Variants in ELOB observed in about 807,000 individuals in gnomAD.
ELOB encodes elongin-B.
Under a neutral mutation model 12.9 loss-of-function variants are expected in ELOB, and 3 were observed. The ratio of observed to expected loss-of-function variants is 0.23; its 90% confidence interval spans 0.11 to 0.60. ELOB has a LOEUF of 0.60. Ranked by LOEUF, ELOB falls within the 20% of genes least tolerant of loss-of-function variation. The pLI is 0.89. For synonymous variants in ELOB, 84 were observed against 67.4 expected (o/e 1.25, Z -1.21); for missense variants, 126 against 159.2 (o/e 0.79, Z 1.12).
intron 2 of ELOB, 166 bp from the exon 3 acceptor site, chr16:2,775,722 C>T (rs909865160): frequency 1.2e-5 from 6 of 518,000 alleles, no homozygotes; most frequent in African/African-American, 9.8e-5. Context: ...GGGTTATATC[C>T]AAGAACTTCT....
At chr16:2,773,510 GGGGGA>G (rs2068781577) in intron 3 of ELOB, among the ~76,000 whole-genome samples, 3 of 152,192 alleles carry the variant, frequency 2.0e-5, no homozygotes, top group African/African-American at 7.2e-5. Context: ...TGGTAAGCTT[GGGGGA>G]GGGGAGAGGC....
intron 3 of ELOB, among the ~76,000 whole-genome samples, chr16:2,772,722 CTA>C (rs1260416631): frequency 3.3e-5 from 5 of 151,528 alleles, no homozygotes; most frequent in Admixed American, 6.6e-5. Context: ...AAAAATCAAA[CTA>C]GACTATCTAG....
chr16:2,773,069 G>C (rs2068776588), intron 3 of ELOB, among the ~76,000 whole-genome samples: 1 of 152,124 alleles, frequency 6.6e-6, no homozygotes, highest in Admixed American at 6.5e-5. Flanking sequence ...CTCCAGGAAG[G>C]CAAAGGCCTT....
rs745571275 is a variant in ELOB, at chr16:2,771,594, G to C, written c.*396C>G. Reference sequence around the variant, plus strand: ...CTGCTCTTGGCCATCGTCTGGGAGTGGACATGCAGGCTATGGGGGTGGGGG... The same window carrying C: ...CTGCTCTTGGCCATCGTCTGGGAGTCGACATGCAGGCTATGGGGGTGGGGG... On this transcript the variant is annotated 3_prime_UTR_variant, in exon 4 of 4. Coordinates refer to ENST00000409906, the MANE Select transcript of ELOB (RefSeq NM_007108.4). The C allele has an allele frequency of 6.2e-7, 1 of 1,614,146 alleles. No individual in the cohort carries two copies. The highest frequency in any genetic ancestry group is 8.5e-7 in the Non-Finnish European group (1 of 1,180,022).
chr16:2,777,252 C>T lies in ELOB; in HGVS notation c.-13G>A, dbSNP rs1567258326. 1.9e-6 allele frequency: 2 copies of T among 1,026,618 alleles called. No individual in the cohort carries two copies. Among genetic ancestry groups the T allele is most frequent in the Non-Finnish European group, 2.3e-6 (2 of 856,458 alleles). The allele number at this position is 1,026,618 out of a possible 1,614,324, so 63.6% of individuals were successfully genotyped here. On this transcript the variant is annotated 5_prime_UTR_variant, in exon 1 of 4. Coordinates refer to ENST00000409906, the MANE Select transcript of ELOB (RefSeq NM_007108.4). ...GCCCGCTCACCATCGCGGCTGCTGC[C>T]TCTCCCCTCGACGCGCCGGCGCAGC...
At position 2,771,770 on chromosome 16, in the gene ELOB, C is replaced by T; in HGVS notation, c.*220G>A. On this transcript the variant is annotated 3_prime_UTR_variant, in exon 4 of 4. Transcript: ENST00000409906. Reference sequence around the variant, plus strand: ...AACAATGGCTTGGGTCTCAGGGCAACCCAGGTCCCCATGGTGCCTTTAAGC... The same window carrying T: ...AACAATGGCTTGGGTCTCAGGGCAATCCAGGTCCCCATGGTGCCTTTAAGC... The T allele has an allele frequency of 6.8e-7, 1 of 1,473,080 alleles. No individual in the cohort carries two copies. The highest frequency in any genetic ancestry group is 1.4e-5 in the African/African-American group (1 of 71,022). The allele number at this position is 1,473,080 out of a possible 1,614,324, so 91.3% of individuals were successfully genotyped here. A position where few individuals can be genotyped will look rare whatever the true frequency, so the allele number is the denominator to read the frequency against.
Position 2,775,497 on chromosome 16 carries a change from T to C in ELOB, c.198A>G (p.Thr66=), listed in dbSNP as rs911979331. The C allele has an allele frequency of 1.9e-6, 3 of 1,608,118 alleles. No individual in the cohort carries two copies. The highest frequency in any genetic ancestry group is 2.5e-6 in the Non-Finnish European group (3 of 1,179,756). Residue 66 remains threonine (T), a synonymous_variant, in exon 3 of 4, where the codon ACA becomes ACG. Transcript: ENST00000409906. ...TLGECGFTSQ[T]ARPQAPATVG... is the part of the protein sequence containing the mutation. ...CTGTGGCTGGGGCCTGTGGCCGTGC[T>C]GTTTGACTGGTGAAGCCACACTCGC...
intron 3 of ELOB, among the ~76,000 whole-genome samples, chr16:2,772,799 C>T (rs1014440229): frequency 6.6e-6 from 1 of 152,082 alleles, no homozygotes; most frequent in African/African-American, 2.4e-5. Flanking sequence ...CCACCAAGTC[C>T]TTGCCGTCTG....
intron 3 of ELOB, among the ~76,000 whole-genome samples, chr16:2,773,336 A>G (rs2068780055): frequency 6.6e-6 from 1 of 152,178 alleles, no homozygotes; most frequent in Admixed American, 6.5e-5. Context: ...CAACCCACAC[A>G]GCAATCCAGC....
chr16:2,777,163 G>GGCCCCCCGCGCGGCCCAGCC, intron 1 of ELOB, 36 bp from the exon 2 acceptor site: 1 of 1,259,572 alleles, frequency 7.9e-7, no homozygotes, highest in Non-Finnish European at 1.0e-6. Flanking sequence ...ACGAAGCCCG[G>GGCCCCCCGCGCGGCCCAGCC]GCCCCCCGCG....
chr16:2,772,225 C>T, intron 3 of ELOB, 123 bp from the exon 4 acceptor site: 1 of 1,196,018 alleles, frequency 8.4e-7, no homozygotes, highest in Non-Finnish European at 1.1e-6. Context: ...CTCCACACGG[C>T]TGTAGTCTCC....
chr16:2,777,037 C>A lies in ELOB; in HGVS notation c.94G>T (p.Glu32Ter). ...STVFELKRIV[E>*]GILKRPPDEQ... is the part of the protein sequence containing the mutation. ...TCAGGAGGCCGCTTGAGGATGCCCT[C>A]GACGATGCGCTTCAGTTCGAACACC... is the stretch of plus-strand genomic sequence containing the variant. The change falls in exon 2 of 4, where the codon GAG (glutamate) becomes TAG (stop). Residue 32 changes from glutamate to a stop codon, truncating the protein, a stop_gained. Coordinates refer to ENST00000409906, the MANE Select transcript of ELOB (RefSeq NM_007108.4). LOFTEE classifies it high-confidence loss of function. 1 of 1,606,056 alleles carries A rather than the reference C, an allele frequency of 6.2e-7. No individual in the cohort carries two copies. Among genetic ancestry groups the A allele is most frequent in the Non-Finnish European group, 8.5e-7 (1 of 1,177,528 alleles).
At chr16:2,775,936 C>G (rs1420707531) in intron 2 of ELOB, among the ~76,000 whole-genome samples, 2 of 152,130 alleles carry the variant, frequency 1.3e-5, no homozygotes, top group Non-Finnish European at 2.9e-5. Flanking sequence ...TGCAGTGGCA[C>G]AGACCCAACA....
rs758592257 is a variant in ELOB at position 2,772,077 on chromosome 16, G to C, written c.270C>G (p.Ile90Met). The C allele has an allele frequency of 6.2e-7, 1 of 1,612,190 alleles. No individual in the cohort carries two copies. The highest frequency in any genetic ancestry group is 8.5e-7 in the Non-Finnish European group (1 of 1,179,012). The change falls in exon 4 of 4, where the codon ATC becomes ATG. Residue 90 changes from isoleucine (I) to methionine (M), a missense_variant. By Grantham distance (10) the Ile-to-Met change is conservative. Coordinates refer to ENST00000409906, the MANE Select transcript of ELOB (RefSeq NM_007108.4). ...GCTCTGGCGGGCTGGAAAACGGCTC[G>C]ATGCACAGGGCCTCAAAGGTGTCAT... is the stretch of plus-strand genomic sequence containing the variant. Reference protein sequence around the residue: ...RADDTFEALCIEPFSSPPELP... With the variant: ...RADDTFEALCMEPFSSPPELP...
At chr16:2,776,674 G>A (rs539560816) in intron 2 of ELOB, among the ~76,000 whole-genome samples, 5 of 152,368 alleles carry the variant, frequency 3.3e-5, no homozygotes, top group African/African-American at 1.2e-4. Flanking sequence ...CGCTGCCAAT[G>A]ACCTTTGGCT....
intron 3 of ELOB, among the ~76,000 whole-genome samples, chr16:2,773,667 C>T (rs2068782458): frequency 6.6e-6 from 1 of 152,188 alleles, no homozygotes; most frequent in Non-Finnish European, 1.5e-5. Flanking sequence ...ACAGCCATCA[C>T]CTGCAAGAGG....
Position 2,776,983 on chromosome 16 carries a change from C to T in ELOB, c.138+10G>A, listed in dbSNP as rs1236676804. 1.9e-6 allele frequency: 3 copies of T among 1,562,906 alleles called. No individual in the cohort carries two copies. Among genetic ancestry groups the T allele is most frequent in the East Asian group, 2.4e-5 (1 of 42,226 alleles). On this transcript the variant is annotated intron_variant, in intron 2 of 3. Coordinates refer to ENST00000409906, the MANE Select transcript of ELOB (RefSeq NM_007108.4). ...GTACCCGCTCCCCTCGGCCCGCCCG[C>T]GGGACCCACCTTGTACAGCCGCTGC...
In ELOB at chr16:2,771,601, C is replaced by T. The variant is rs746829193; in HGVS notation, c.*389G>A. On this transcript the variant is annotated 3_prime_UTR_variant, in exon 4 of 4. Transcript: ENST00000409906. ...TGGCCATCGTCTGGGAGTGGACATG[C>T]AGGCTATGGGGGTGGGGGGCACTTA... 6 of 1,614,078 alleles carry T rather than the reference C, an allele frequency of 3.7e-6. No individual in the cohort carries two copies. The Admixed American group carries it at 6.7e-5, about 18-fold the overall frequency.
rs1219297293 is a variant in ELOB at position 2,775,408 on chromosome 16, C to G, written c.244+43G>C. ...CCTTCTTTGGAACAGTGTTCCCAAC[C>G]TGCTTGGCTACCACCCAGCCCAGTG... is the stretch of plus-strand genomic sequence containing the variant. On this transcript the variant is annotated intron_variant, in intron 3 of 3. Transcript: ENST00000409906. The G allele has an allele frequency of 2.0e-6, 3 of 1,463,612 alleles. No homozygotes were observed. The East Asian group carries it at 6.9e-5, about 34-fold the overall frequency. 90.7% of individuals were successfully genotyped at this position (1,463,612 alleles called of 1,614,324 possible).
Sources: gnomAD v4.1 joint callset for allele counts (sites outside exome capture counted in the v4.1 genomes callset) on GRCh38, gnomAD v4.1.1 for gene constraint, MANE v1.5 for transcripts, NCBI Gene and HGNC (gene_info 2026-07-23, HGNC 2026-07-21) for gene names.